The following ANKS1B variants were observed in gnomAD, a reference collection of about 807,000 sequenced individuals.
The protein encoded by ANKS1B is ankyrin repeat and sterile alpha motif domain-containing protein 1B.
In ANKS1B, 36 loss-of-function variants were observed where a neutral mutation model predicts 148.3. The ratio of observed to expected loss-of-function variants is 0.24; its 90% CI spans 0.19 to 0.32. The LOEUF (loss-of-function observed/expected upper bound fraction) is 0.32. ANKS1B is among the 10% of genes least tolerant of loss of function. The pLI, the probability that ANKS1B is intolerant of heterozygous loss-of-function variation, is 1.00. For synonymous variants in ANKS1B, 542 were observed against 560.8 expected (o/e 0.97, Z 0.47); for missense variants, 1,157 against 1,542.6 (o/e 0.75, Z 4.19).
chr12:99,710,094 G>A (rs1196210740), intron 8 of ANKS1B, among the ~76,000 whole-genome samples: 1 of 152,026 alleles, frequency 6.6e-6, no homozygotes, highest in Admixed American at 6.6e-5. Flanking sequence ...TGATTTTACT[G>A]AGATCTAATT....
chr12:99,172,358 G>A (rs138527643), intron 14 of ANKS1B, among the ~76,000 whole-genome samples: 106 of 152,220 alleles, frequency 7.0e-4, no homozygotes, highest in Non-Finnish European at 1.3e-3. Flanking sequence ...GGAGGATGTG[G>A]GAGATAGACG....
At chr12:99,645,942 T>C in intron 9 of ANKS1B, among the ~76,000 whole-genome samples, 1 of 151,742 alleles carries the variant, frequency 6.6e-6, no homozygotes, top group Non-Finnish European at 1.5e-5. Context: ...CTGGCTTCCT[T>C]GGAGACCAGC....
intron 12 of ANKS1B, among the ~76,000 whole-genome samples, chr12:99,258,616 T>TG (rs2153979892): frequency 6.6e-6 from 1 of 151,074 alleles, no homozygotes; most frequent in Admixed American, 6.6e-5. Context: ...ACTTGTTTTT[T>TG]TTTTTTTTTT....
At chr12:98,797,917 A>T (rs2098964617) in intron 22 of ANKS1B, among the ~76,000 whole-genome samples, 3 of 152,220 alleles carry the variant, frequency 2.0e-5, no homozygotes, top group Admixed American at 2.0e-4. Context: ...CTTTAGTTAG[A>T]TGCTATATTG....
rs77730347 is a variant in ANKS1B, at chr12:99,041,955, T to C, written c.2778+11202A>G. On this transcript the variant is annotated intron_variant, in intron 17 of 26. Transcript: ENST00000683438. ...GGTTGAGGATGCAGTGAAACTTGATTGCACCACTGCACTCTAGCCTGGGTG... is the reference window on the plus strand; with the variant it reads ...GGTTGAGGATGCAGTGAAACTTGATCGCACCACTGCACTCTAGCCTGGGTG... 4.1e-3 allele frequency among the ~76,000 whole-genome samples: 622 copies of C among 152,162 alleles called. 24 individuals carry two copies. The East Asian group carries it at 0.087, about 21-fold the overall frequency.
chr12:99,098,084 C>A (rs2056797468), intron 15 of ANKS1B, among the ~76,000 whole-genome samples: 1 of 152,204 alleles, frequency 6.6e-6, no homozygotes, highest in Non-Finnish European at 1.5e-5. Flanking sequence ...AGGCCAGACA[C>A]TGTGCTTTTA....
intron 17 of ANKS1B, among the ~76,000 whole-genome samples, chr12:98,998,384 A>G (rs1237719024): frequency 6.6e-6 from 1 of 152,248 alleles, no homozygotes; most frequent in East Asian, 1.9e-4. Context: ...TTCTAAGAGG[A>G]ACATGTAAAC....
At chr12:99,309,907 A>C (rs1478590587) in intron 12 of ANKS1B, among the ~76,000 whole-genome samples, 1 of 152,152 alleles carries the variant, frequency 6.6e-6, no homozygotes, top group Non-Finnish European at 1.5e-5. Flanking sequence ...TCTCTTTAGT[A>C]ATCACGAGTT....
At chr12:99,914,663 T>G (rs867416656) in intron 1 of ANKS1B, among the ~76,000 whole-genome samples, 87 of 152,114 alleles carry the variant, frequency 5.7e-4, no homozygotes, top group African/African-American at 2.0e-3. Flanking sequence ...CCAGCAGGTC[T>G]CCCATCAGGG....
At chr12:99,310,750 T>C (rs2083027601) in intron 12 of ANKS1B, among the ~76,000 whole-genome samples, 2 of 152,292 alleles carry the variant, frequency 1.3e-5, no homozygotes, top group South Asian at 4.1e-4. Context: ...TCCATAATCA[T>C]GTGAGCCAAT....
At chr12:99,665,295 G>C (rs1267049027) in intron 8 of ANKS1B, among the ~76,000 whole-genome samples, 1 of 152,056 alleles carries the variant, frequency 6.6e-6, no homozygotes, top group South Asian at 2.1e-4. Context: ...TATTCTAATG[G>C]GTATGCATGT....
At chr12:99,955,426 G>C (rs1408526410) in intron 1 of ANKS1B, among the ~76,000 whole-genome samples, 1 of 146,060 alleles carries the variant, frequency 6.8e-6, no homozygotes, top group African/African-American at 2.5e-5. Context: ...CCGGGAGGCG[G>C]AGCTTGCAGT....
chr12:99,397,053 A>T (rs1464499460), intron 12 of ANKS1B, among the ~76,000 whole-genome samples: 1 of 152,048 alleles, frequency 6.6e-6, no homozygotes, highest in Admixed American at 6.6e-5. Context: ...ATCACATCTC[A>T]TCTCTCCTGT....
At chr12:99,320,118 C>A (rs553458533) in intron 12 of ANKS1B, among the ~76,000 whole-genome samples, 6 of 152,136 alleles carry the variant, frequency 3.9e-5, no homozygotes, top group Non-Finnish European at 8.8e-5. Context: ...TCTGGCTGCC[C>A]TTAATATTTT....
chr12:98,874,454 C>A (rs1211755741), intron 17 of ANKS1B, among the ~76,000 whole-genome samples: 9 of 152,130 alleles, frequency 5.9e-5, no homozygotes, highest in Non-Finnish European at 1.0e-4. Flanking sequence ...AACTAAGTGA[C>A]TTTAGCTTGA....
chr12:99,318,631 T>G (rs1432315813), intron 12 of ANKS1B, among the ~76,000 whole-genome samples: 1 of 152,200 alleles, frequency 6.6e-6, no homozygotes, highest in Admixed American at 6.5e-5. Context: ...GCTCCTGGAT[T>G]CATTGATTTT....
downstream of ANKS1B, among the ~76,000 whole-genome samples, chr12:98,742,198 T>A (rs2097803722): frequency 6.6e-6 from 1 of 152,228 alleles, no homozygotes; most frequent in African/African-American, 2.4e-5. Flanking sequence ...GGAGCCCTGA[T>A]TAAACCTCCG....
At chr12:98,914,469 C>G (rs1027907283) in intron 17 of ANKS1B, among the ~76,000 whole-genome samples, 5 of 152,162 alleles carry the variant, frequency 3.3e-5, no homozygotes, top group Non-Finnish European at 7.3e-5. Context: ...CTCCAATCTT[C>G]CAGTGCCTCC....
intron 17 of ANKS1B, among the ~76,000 whole-genome samples, chr12:98,865,779 G>T (rs897592192): frequency 6.6e-6 from 1 of 152,088 alleles, no homozygotes; most frequent in African/African-American, 2.4e-5. Flanking sequence ...ATCACTTTGG[G>T]TCAAGGCAAT....
Sources: gnomAD v4.1 joint callset for allele counts (sites outside exome capture counted in the v4.1 genomes callset) on GRCh38, gnomAD v4.1.1 for gene constraint, MANE v1.5 for transcripts, NCBI Gene and HGNC (gene_info 2026-07-23, HGNC 2026-07-21) for gene names.